Variants in SAP30BP observed in about 807,000 individuals in gnomAD.
The protein encoded by SAP30BP is SAP30 binding protein, also known as SAP30-binding protein.
Under a neutral mutation model 46.3 loss-of-function variants are expected in SAP30BP, and 31 were observed. That is an observed-to-expected ratio of 0.67 (90% CI 0.50 to 0.90). SAP30BP has a LOEUF of 0.90. SAP30BP is among the 40% of genes least tolerant of loss of function. The pLI is 0.00. For missense variants in SAP30BP, 312 were observed against 391.0 expected (o/e 0.80, Z 1.70); for synonymous variants, 169 against 144.2 (o/e 1.17, Z -1.23).
At chr17:75,689,084 C>T (rs2060204688) in intron 3 of SAP30BP, among the ~76,000 whole-genome samples, 1 of 152,026 alleles carries the variant, frequency 6.6e-6, no homozygotes, top group Non-Finnish European at 1.5e-5. Context: ...GCGTTTAAAC[C>T]ATACTTCCTC....
intron 3 of SAP30BP, among the ~76,000 whole-genome samples, chr17:75,678,387 T>C (rs2060023969): frequency 6.6e-6 from 1 of 152,052 alleles, no homozygotes; most frequent in African/African-American, 2.4e-5. Context: ...GCTGTGTAAC[T>C]AGTTGTTAGA....
chr17:75,667,436 T>A lies in SAP30BP; in HGVS notation c.64T>A (p.Ser22Thr), dbSNP rs1233583423. ...TTACGCGGAAGATTCAGAGCCCGAG[T>A]CTGATGGCGAGGCTGGAATCGAGGC... is the stretch of plus-strand genomic sequence containing the variant. ...AVYAEDSEPE[S>T]DGEAGIEAVG... The change falls in exon 1 of 11, where the codon TCT (serine) becomes ACT (threonine). Residue 22 changes from serine (S) to threonine (T), a missense_variant. Transcript: ENST00000584667. The A allele has an allele frequency of 6.2e-7, 1 of 1,613,938 alleles. No individual in the cohort carries two copies. The highest frequency in any genetic ancestry group is 2.2e-5 in the East Asian group (1 of 44,888).
intron 6 of SAP30BP, 96 bp from the exon 7 acceptor site, chr17:75,703,215 T>C: frequency 8.7e-7 from 1 of 1,148,810 alleles, no homozygotes; most frequent in Middle Eastern, 2.0e-4. Flanking sequence ...ATTTAAAAGT[T>C]GTGAAGGTTT....
chr17:75,704,786 T>C lies in SAP30BP; in HGVS notation c.632T>C (p.Leu211Ser), dbSNP rs772622747. Reference sequence around the variant, plus strand: ...GCCCAGAAAATTGAGATGGACAAATTGGAAAAGGCCAAAAAGGAGCGAACA... The same window carrying C: ...GCCCAGAAAATTGAGATGGACAAATCGGAAAAGGCCAAAAAGGAGCGAACA... ...AKAQKIEMDK[L>S]EKAKKERTKI... Residue 211 changes from leucine to serine, a missense_variant, in exon 9 of 11, where the codon TTG becomes TCG. By Grantham distance (145) the Leu-to-Ser change is moderately radical. Around this residue, in one of 2 missense-constraint regions of SAP30BP, gnomAD observed 296 missense variants for 346.6 expected, o/e 0.85. Coordinates refer to ENST00000584667, the MANE Select transcript of SAP30BP (RefSeq NM_013260.8). 6.2e-7 allele frequency: 1 copy of C among 1,613,768 alleles called. No individual in the cohort carries two copies. Among genetic ancestry groups the C allele is most frequent in the Non-Finnish European group, 8.5e-7 (1 of 1,179,922 alleles).
At chr17:75,675,387 T>C (rs745933716) in intron 3 of SAP30BP, among the ~76,000 whole-genome samples, 1 of 151,428 alleles carries the variant, frequency 6.6e-6, no homozygotes, top group Non-Finnish European at 1.5e-5. Context: ...CTGACCTCGT[T>C]ATCTGCCCAC....
At chr17:75,683,650 A>G (rs2060117349) in intron 3 of SAP30BP, 1 of 152,248 alleles carries the variant, frequency 6.6e-6, no homozygotes, top group South Asian at 2.1e-4. Flanking sequence ...GTCAGAAGGA[A>G]TAACTCGTTC....
At chr17:75,684,119 A>G (rs1439939102) in intron 3 of SAP30BP, 1 of 152,222 alleles carries the variant, frequency 6.6e-6, no homozygotes, top group Admixed American at 6.5e-5. Flanking sequence ...GAAGTTGGGA[A>G]TAACTGGATA....
intron 8 of SAP30BP, 46 bp from the exon 9 acceptor site, chr17:75,704,710 A>G (rs1308128483): frequency 1.4e-6 from 2 of 1,442,512 alleles, no homozygotes; most frequent in African/African-American, 1.4e-5. Context: ...CTCAGCCCAG[A>G]GCTGCTCGGG....
chr17:75,701,603 G>A (rs746694735), intron 5 of SAP30BP, among the ~76,000 whole-genome samples: 22 of 152,270 alleles, frequency 1.4e-4, no homozygotes, highest in South Asian at 2.1e-4. Context: ...ATAAACCAGC[G>A]CGGACCAGCC....
chr17:75,673,451 GAGCCTGCAC>G (rs1299136004), intron 3 of SAP30BP, among the ~76,000 whole-genome samples: 1 of 152,114 alleles, frequency 6.6e-6, no homozygotes, highest in Non-Finnish European at 1.5e-5. Flanking sequence ...GTGGGACTTG[GAGCCTGCAC>G]GTAAAACAAG....
chr17:75,699,657 T>C (rs1341304563), intron 4 of SAP30BP, 126 bp from the exon 5 acceptor site: 1 of 626,726 alleles, frequency 1.6e-6, no homozygotes, highest in Non-Finnish European at 2.9e-6. Context: ...ATCCGAACAC[T>C]CAGTTGTACT....
chr17:75,706,371 G>C lies in SAP30BP; in HGVS notation c.777G>C (p.Ser259=). 1 of 1,613,776 alleles carries C rather than the reference G, an allele frequency of 6.2e-7. No homozygotes were observed. Among genetic ancestry groups the C allele is most frequent in the Non-Finnish European group, 8.5e-7 (1 of 1,179,988 alleles). ...DAQKRKSKWD[S]AIPVTTIAQP... ...AGAAGAGAAAGAGCAAGTGGGATTC[G>C]GCTATCCCAGTGACAACGATAGCCC... is the stretch of plus-strand genomic sequence containing the variant. Residue 259 remains serine, a synonymous_variant, in exon 11 of 11, where the codon TCG becomes TCC. Transcript: ENST00000584667. The surrounding 1 kb of genome is among the most constrained non-coding windows in gnomAD (Gnocchi z 4.6).
Position 75,702,581 on chromosome 17 carries a change from C to T in SAP30BP, c.488+10C>T, listed in dbSNP as rs751168890. 7.5e-7 allele frequency: 1 copy of T among 1,329,568 alleles called. No homozygotes were observed. Among genetic ancestry groups the T allele is most frequent in the Non-Finnish European group, 1.1e-6 (1 of 925,764 alleles). 82.4% of individuals were successfully genotyped at this position (1,329,568 alleles called of 1,614,324 possible). On this transcript the variant is annotated intron_variant, in intron 6 of 10. Coordinates refer to ENST00000584667, the MANE Select transcript of SAP30BP (RefSeq NM_013260.8). ...AATTTCGGAACCCTAGGTAAGTTTC[C>T]CTTGAGCCTGCAGAGTTTATTGAGT...
rs562459189 is a variant in SAP30BP, at chr17:75,681,953, C to G, written c.264+10090C>G. On this transcript the variant is annotated intron_variant, in intron 3 of 10. Transcript: ENST00000584667. ...GGTTGTTTGTGTGCCTTTGTTGATGCGCTGCTGGCGAGCCCTGACAACTGA... is the reference window on the plus strand; with the variant it reads ...GGTTGTTTGTGTGCCTTTGTTGATGGGCTGCTGGCGAGCCCTGACAACTGA... Among the ~76,000 whole-genome samples the G allele has an allele frequency of 1.7e-4, 26 of 152,092 alleles. 1 individual carries two copies. Among genetic ancestry groups the G allele is most frequent in the African/African-American group, 6.3e-4 (26 of 41,472 alleles).
chr17:75,689,811 A>G (rs979192906), intron 3 of SAP30BP, among the ~76,000 whole-genome samples: 1 of 152,174 alleles, frequency 6.6e-6, no homozygotes, highest in African/African-American at 2.4e-5. Flanking sequence ...CTGCCTCTTT[A>G]AGGGCATAGT....
intron 1 of SAP30BP, 32 bp downstream of exon 1, chr17:75,667,510 AT>A: frequency 6.3e-7 from 1 of 1,596,136 alleles, no homozygotes; most frequent in South Asian, 1.1e-5. Context: ...GGAAGGGGGA[AT>A]CGGGTGTCTG....
chr17:75,693,282 G>A lies in SAP30BP; in HGVS notation c.265-158G>A, dbSNP rs193191669. 289 of 602,140 alleles carry A rather than the reference G, an allele frequency of 4.8e-4. 4 individuals carry two copies. The highest frequency in any genetic ancestry group is 4.4e-3 in the African/African-American group (235 of 53,062). The allele number at this position is 602,140 out of a possible 1,614,324, so 37.3% of individuals were successfully genotyped here. A position where few individuals can be genotyped will look rare whatever the true frequency, so the allele number is the denominator to read the frequency against. On this transcript the variant is annotated intron_variant, in intron 3 of 10. Coordinates refer to ENST00000584667, the MANE Select transcript of SAP30BP (RefSeq NM_013260.8). ...CGGGAAGAAGAGGGTTCGGAGGCTCGGGGGTGCCAGAGGCCCCTGAAGCAT... is the reference window on the plus strand; with the variant it reads ...CGGGAAGAAGAGGGTTCGGAGGCTCAGGGGTGCCAGAGGCCCCTGAAGCAT...
At chr17:75,702,430 G>A (rs1471089029) in intron 5 of SAP30BP, 50 bp from the exon 6 acceptor site, 3 of 758,550 alleles carry the variant, frequency 4.0e-6, no homozygotes, top group Admixed American at 4.1e-5. Flanking sequence ...GACGGTGGAG[G>A]GGTGGGCTTC....
At chr17:75,677,776 T>G (rs938391537) in intron 3 of SAP30BP, among the ~76,000 whole-genome samples, 1 of 141,998 alleles carries the variant, frequency 7.0e-6, no homozygotes, top group East Asian at 2.0e-4. Flanking sequence ...TTTTTTTTTT[T>G]AAATCAAACG....
Sources: gnomAD v4.1 joint callset for allele counts (sites outside exome capture counted in the v4.1 genomes callset) on GRCh38, gnomAD v4.1.1 for gene constraint, gnomAD v4.1.1 regional missense constraint, Gnocchi (gnomAD v3.1) non-coding constraint, MANE v1.5 for transcripts, NCBI Gene and HGNC (gene_info 2026-07-23, HGNC 2026-07-21) for gene names.